Variants in DOCK3 observed in about 807,000 individuals in gnomAD.
DOCK3 encodes the protein dedicator of cytokinesis 3.
In DOCK3, 60 loss-of-function variants were observed where a neutral mutation model predicts 265.6. That is an observed-to-expected ratio of 0.23 (90% CI 0.18 to 0.28). The LOEUF (loss-of-function observed/expected upper bound fraction) is 0.28, where lower values mean the gene tolerates loss of function less well. DOCK3 is among the 10% of genes least tolerant of loss of function. The pLI is 1.00. For synonymous variants in DOCK3, 881 were observed against 938.0 expected (o/e 0.94, Z 1.11); for missense variants, 1,981 against 2,594.3 (o/e 0.76, Z 5.14).
chr3:51,232,202 G>A (rs966349453), intron 19 of DOCK3, among the ~76,000 whole-genome samples: 2 of 151,970 alleles, frequency 1.3e-5, no homozygotes, highest in African/African-American at 2.4e-5. Context: ...CTTTATTTGT[G>A]AATTCTGAGG....
intron 7 of DOCK3, among the ~76,000 whole-genome samples, chr3:51,085,106 A>T (rs371678861): frequency 1.3e-5 from 2 of 152,366 alleles, no homozygotes; most frequent in South Asian, 4.1e-4. Flanking sequence ...TGATAAAGGG[A>T]TCAATTCAGC....
In DOCK3 at chr3:51,359,150, C is replaced by T. The variant is rs1345287888; in HGVS notation, c.4884+1073C>T. ...AGGGATAACCATGGCCACAGGAGCC[C>T]TGAGGGAGGTTGCACTACTTAAACT... On this transcript the variant is annotated intron_variant, in intron 46 of 52. Coordinates refer to ENST00000266037, the MANE Select transcript of DOCK3 (RefSeq NM_004947.5). The surrounding 1 kb of genome is among the most constrained non-coding windows in gnomAD (Gnocchi z 4.8). 6.6e-6 allele frequency among the ~76,000 whole-genome samples: 1 copy of T among 152,198 alleles called. No individual in the cohort carries two copies.
intron 9 of DOCK3, among the ~76,000 whole-genome samples, chr3:51,094,905 C>A (rs1190292024): frequency 6.6e-6 from 1 of 151,252 alleles, no homozygotes; most frequent in Non-Finnish European, 1.5e-5. Context: ...TGTATTGATC[C>A]CTTTACCATT....
intron 5 of DOCK3, among the ~76,000 whole-genome samples, chr3:50,948,174 G>A (rs1411741842): frequency 2.0e-5 from 3 of 150,008 alleles, no homozygotes; most frequent in Non-Finnish European, 4.4e-5. Context: ...CTCCTGCCTT[G>A]GCCTCCCGAG....
intron 5 of DOCK3, among the ~76,000 whole-genome samples, chr3:50,934,739 TA>T (rs879292684): frequency 1.7e-3 from 242 of 143,584 alleles, no homozygotes; most frequent in East Asian, 1.4e-3. Flanking sequence ...CCTTGTCTCT[TA>T]AAAAAAAAAA....
chr3:51,055,678 G>A (rs775647211), intron 5 of DOCK3, among the ~76,000 whole-genome samples: 7 of 152,144 alleles, frequency 4.6e-5, no homozygotes, highest in Non-Finnish European at 1.0e-4. Flanking sequence ...AATTGTGAAT[G>A]GATGCCCTTC....
chr3:51,069,282 T>G (rs2081750800), intron 6 of DOCK3, among the ~76,000 whole-genome samples: 1 of 152,142 alleles, frequency 6.6e-6, no homozygotes, highest in South Asian at 2.1e-4. Context: ...AATTAGTCAG[T>G]TAATTATATC....
intron 1 of DOCK3, among the ~76,000 whole-genome samples, chr3:50,677,299 T>C (rs1313829395): frequency 6.6e-6 from 1 of 152,262 alleles, no homozygotes; most frequent in Non-Finnish European, 1.5e-5. Flanking sequence ...TAAAAGTTTT[T>C]GTGTAAATTG....
intron 49 of DOCK3, among the ~76,000 whole-genome samples, chr3:51,371,571 CTG>C (rs1276533557): frequency 6.6e-6 from 1 of 152,196 alleles, no homozygotes; most frequent in African/African-American, 2.4e-5. Context: ...TAGATACACT[CTG>C]GGCAAAGAAG....
chr3:51,213,984 T>A lies in DOCK3; in HGVS notation c.1127-138T>A. 2.6e-6 allele frequency: 3 copies of A among 1,132,370 alleles called. No homozygotes were observed. In the South Asian group the frequency reaches 4.5e-5, roughly 17 times the overall value. 70.1% of individuals were successfully genotyped at this position (1,132,370 alleles called of 1,614,324 possible). On this transcript the variant is annotated intron_variant, in intron 13 of 52. Coordinates refer to ENST00000266037, the MANE Select transcript of DOCK3 (RefSeq NM_004947.5). Reference sequence around the variant, plus strand: ...CAAAATGTTTCTTCAAAATAACTTATACTGTCTGCATAAAAGTTTTTCTCA... The same window carrying A: ...CAAAATGTTTCTTCAAAATAACTTAAACTGTCTGCATAAAAGTTTTTCTCA...
intron 5 of DOCK3, among the ~76,000 whole-genome samples, chr3:50,969,787 T>C (rs1203235587): frequency 6.6e-6 from 1 of 152,130 alleles, no homozygotes; most frequent in Non-Finnish European, 1.5e-5. Flanking sequence ...TTAAGAACTA[T>C]GAAGCCGGGC....
At chr3:51,280,661 T>C (rs565505485) in intron 27 of DOCK3, among the ~76,000 whole-genome samples, 2 of 152,312 alleles carry the variant, frequency 1.3e-5, no homozygotes, top group East Asian at 3.9e-4. Context: ...ACTGCTCATT[T>C]GCTGCCAAAC....
At chr3:51,354,610 C>T (rs766611428) in intron 40 of DOCK3, among the ~76,000 whole-genome samples, 1 of 152,180 alleles carries the variant, frequency 6.6e-6, no homozygotes, top group Non-Finnish European at 1.5e-5. Context: ...AATCCCATCT[C>T]CCACCTTGCT....
chr3:50,958,299 C>T (rs576048646), intron 5 of DOCK3, among the ~76,000 whole-genome samples: 2 of 152,320 alleles, frequency 1.3e-5, no homozygotes, highest in South Asian at 2.1e-4. Flanking sequence ...CCTGCTTGCT[C>T]AGTCTTGCAG....
intron 22 of DOCK3, among the ~76,000 whole-genome samples, chr3:51,252,691 G>A (rs533550395): frequency 1.2e-4 from 18 of 151,998 alleles, no homozygotes; most frequent in South Asian, 6.2e-4. Context: ...AGGAATGCTT[G>A]TGATTTTTGC....
chr3:50,795,065 A>G (rs549692613), intron 2 of DOCK3, among the ~76,000 whole-genome samples: 19 of 151,976 alleles, frequency 1.3e-4, no homozygotes, highest in Non-Finnish European at 1.6e-4. Context: ...TTGGCCCCCA[A>G]TCTCTTCTGG....
At chr3:50,909,843 T>C (rs2355709) in intron 4 of DOCK3, among the ~76,000 whole-genome samples, 8,763 of 151,960 alleles carry the variant, frequency 0.058, 951 homozygotes, top group African/African-American at 0.2. Context: ...TCTCCATCTC[T>C]TTCAGGTAAC....
At chr3:50,961,663 T>C (rs759774453) in intron 5 of DOCK3, among the ~76,000 whole-genome samples, 6 of 152,176 alleles carry the variant, frequency 3.9e-5, no homozygotes, top group East Asian at 1.9e-4. Context: ...AAGAGGACTT[T>C]AATTAGACTT....
chr3:51,208,982 C>T (rs977181470), intron 13 of DOCK3, 120 bp downstream of exon 13: 20 of 805,498 alleles, frequency 2.5e-5, no homozygotes, highest in Middle Eastern at 2.4e-4. Flanking sequence ...ATTCTCCTGC[C>T]GAGGCATTTC....
Sources: gnomAD v4.1 joint callset for allele counts (sites outside exome capture counted in the v4.1 genomes callset) on GRCh38, gnomAD v4.1.1 for gene constraint, Gnocchi (gnomAD v3.1) non-coding constraint, MANE v1.5 for transcripts, NCBI Gene and HGNC (gene_info 2026-07-23, HGNC 2026-07-21) for gene names.